The following GALNT17 variants were observed in gnomAD, a reference collection of about 807,000 sequenced individuals.
The protein encoded by GALNT17 is polypeptide N-acetylgalactosaminyltransferase 17, also known as UDP-GalNAc:polypeptide N-acetylgalactosaminyltransferase-like 3.
A neutral mutation model predicts 63.7 loss-of-function variants in GALNT17; 29 were observed. That is an observed-to-expected ratio of 0.46 (90% CI 0.34 to 0.62). GALNT17 has a LOEUF of 0.62. Among genes scored for constraint, GALNT17 ranks in the 20% least tolerant of loss-of-function variants. GALNT17 has a pLI of 0.01. For missense variants in GALNT17, 603 were observed against 799.6 expected (o/e 0.75, Z 2.97); for synonymous variants, 305 against 318.3 (o/e 0.96, Z 0.45).
intron 2 of GALNT17, among the ~76,000 whole-genome samples, chr7:71,338,025 C>T (rs190097847): frequency 1.3e-5 from 2 of 152,144 alleles, no homozygotes; most frequent in African/African-American, 2.4e-5. Flanking sequence ...CATGGCAAAG[C>T]ATTGTCTCTA....
At chr7:71,365,100 C>T (rs1355173460) in intron 2 of GALNT17, among the ~76,000 whole-genome samples, 1 of 151,616 alleles carries the variant, frequency 6.6e-6, no homozygotes, top group Non-Finnish European at 1.5e-5. Flanking sequence ...GCCTGGCTAA[C>T]TTTTGTATTT....
At chr7:71,235,957 A>T (rs559278295) in intron 1 of GALNT17, among the ~76,000 whole-genome samples, 5 of 152,284 alleles carry the variant, frequency 3.3e-5, no homozygotes, top group Non-Finnish European at 7.4e-5. Flanking sequence ...AGGCGGGTGG[A>T]TCACCTGAGG....
intron 3 of GALNT17, among the ~76,000 whole-genome samples, chr7:71,414,361 G>A (rs758823783): frequency 4.6e-5 from 7 of 152,196 alleles, no homozygotes; most frequent in Non-Finnish European, 1.0e-4. Context: ...ATTATTATTA[G>A]ATTTACCATT....
At chr7:71,334,469 TTGTGTGTG>T (rs1358266181) in intron 1 of GALNT17, among the ~76,000 whole-genome samples, 1 of 150,178 alleles carries the variant, frequency 6.7e-6, no homozygotes, top group Non-Finnish European at 1.5e-5. Flanking sequence ...GTGTGTGTGA[TTGTGTGTG>T]TATGTGTGTA....
chr7:71,134,465 G>A (rs569204872), intron 1 of GALNT17, among the ~76,000 whole-genome samples: 2 of 152,284 alleles, frequency 1.3e-5, no homozygotes, highest in South Asian at 4.1e-4. Context: ...TACTGGGGGA[G>A]GGATGGGATG....
At chr7:71,351,768 G>A (rs1002264528) in intron 2 of GALNT17, among the ~76,000 whole-genome samples, 2 of 152,138 alleles carry the variant, frequency 1.3e-5, no homozygotes, top group Non-Finnish European at 2.9e-5. Context: ...TTCTGTTGTT[G>A]TAGTGCCCCC....
chr7:71,578,173 A>T (rs1459134061), intron 6 of GALNT17, among the ~76,000 whole-genome samples: 1 of 151,892 alleles, frequency 6.6e-6, no homozygotes, highest in Non-Finnish European at 1.5e-5. Context: ...GCTAGCTGGG[A>T]TTACAGGCAC....
intron 1 of GALNT17, among the ~76,000 whole-genome samples, chr7:71,203,099 C>T (rs1054509700): frequency 6.6e-6 from 1 of 152,114 alleles, no homozygotes; most frequent in South Asian, 2.1e-4. Context: ...AGTAGGGCTG[C>T]AATGAACATG....
chr7:71,659,725 C>T (rs1562725864), intron 6 of GALNT17, among the ~76,000 whole-genome samples: 1 of 152,240 alleles, frequency 6.6e-6, no homozygotes, highest in African/African-American at 2.4e-5. Flanking sequence ...AAATAAGTCA[C>T]ATTGCCAAGG....
chr7:71,545,146 C>T (rs1187770765), intron 5 of GALNT17, among the ~76,000 whole-genome samples: 1 of 152,076 alleles, frequency 6.6e-6, no homozygotes, highest in Non-Finnish European at 1.5e-5. Flanking sequence ...TTGAACTTAT[C>T]TCTCGTCCCC....
At chr7:71,433,379 G>A (rs1786903212) in intron 5 of GALNT17, among the ~76,000 whole-genome samples, 1 of 152,226 alleles carries the variant, frequency 6.6e-6, no homozygotes, top group Non-Finnish European at 1.5e-5. Context: ...GGATAGAGGA[G>A]TGACTGATAA....
chr7:71,461,147 G>A (rs1787444432), intron 5 of GALNT17, among the ~76,000 whole-genome samples: 1 of 152,154 alleles, frequency 6.6e-6, no homozygotes, highest in South Asian at 2.1e-4. Context: ...GCTTTTGATT[G>A]AAACTCAAGC....
rs900635614 is a variant in GALNT17 at position 71,584,829 on chromosome 7, A to G, written c.1080+13427A>G. Reference sequence around the variant, plus strand: ...AAGTGCAGTGGCGCGATCTCCACTCACTGCAAGCTCTGCCTCTCGAGTTCA... The same window carrying G: ...AAGTGCAGTGGCGCGATCTCCACTCGCTGCAAGCTCTGCCTCTCGAGTTCA... On this transcript the variant is annotated intron_variant, in intron 6 of 10. Coordinates refer to ENST00000333538, the MANE Select transcript of GALNT17 (RefSeq NM_022479.3). Among the ~76,000 whole-genome samples, 5 of 152,052 alleles carry G rather than the reference A, an allele frequency of 3.3e-5. No homozygotes were observed. In the South Asian group the frequency reaches 1.0e-3, roughly 31 times the overall value.
chr7:71,433,433 A>G (rs1375331740), intron 5 of GALNT17, among the ~76,000 whole-genome samples: 2 of 152,216 alleles, frequency 1.3e-5, no homozygotes, highest in Non-Finnish European at 2.9e-5. Context: ...ATGTTCCAAA[A>G]TTGGTTTTTG....
intron 2 of GALNT17, among the ~76,000 whole-genome samples, chr7:71,369,102 C>T (rs568566787): frequency 1.6e-3 from 250 of 152,316 alleles, no homozygotes; most frequent in Non-Finnish European, 3.1e-3. Context: ...ATAGGTTCTT[C>T]AATAAGTCCT....
chr7:71,542,613 T>C (rs954122379), intron 5 of GALNT17, among the ~76,000 whole-genome samples: 1 of 150,332 alleles, frequency 6.7e-6, no homozygotes, highest in African/African-American at 2.5e-5. Flanking sequence ...GGAGAATCGC[T>C]TGAACCGGGG....
intron 3 of GALNT17, among the ~76,000 whole-genome samples, chr7:71,401,260 C>A (rs1793235288): frequency 6.6e-6 from 1 of 151,954 alleles, no homozygotes. Context: ...CCACACCTGG[C>A]TAATTTTAAT....
At chr7:71,477,781 C>T (rs892864729) in intron 5 of GALNT17, among the ~76,000 whole-genome samples, 5 of 152,122 alleles carry the variant, frequency 3.3e-5, no homozygotes, top group African/African-American at 7.2e-5. Flanking sequence ...CTAATAGTAC[C>T]GGGAATCCTG....
chr7:71,430,632 T>C (rs2960863), intron 5 of GALNT17, among the ~76,000 whole-genome samples: 367 of 152,318 alleles, frequency 2.4e-3, no homozygotes, highest in African/African-American at 8.5e-3. Flanking sequence ...TTAGCAATCC[T>C]TAATCCAACA....
Sources: gnomAD v4.1 joint callset for allele counts (sites outside exome capture counted in the v4.1 genomes callset) on GRCh38, gnomAD v4.1.1 for gene constraint, MANE v1.5 for transcripts, NCBI Gene and HGNC (gene_info 2026-07-23, HGNC 2026-07-21) for gene names.